TMEM131: variants seen among roughly 807,000 people sequenced by gnomAD.
The protein encoded by TMEM131 is 2610524E03Rik.
In TMEM131, 66 loss-of-function variants were observed where a neutral mutation model predicts 211.6. The observed-to-expected ratio is 0.31, with a 90% CI of 0.26 to 0.38. The LOEUF (loss-of-function observed/expected upper bound fraction) is 0.38. Among genes scored for constraint, TMEM131 ranks in the 10% least tolerant of loss-of-function variants. The probability of loss-of-function intolerance (pLI) is 1.00; values close to 1 mark genes in which losing one functional copy is unlikely to be tolerated. For synonymous variants in TMEM131, 844 were observed against 841.3 expected, an observed-to-expected ratio of 1.00 and a Z score of -0.06; for missense variants, 2,036 against 2,299.3, an observed-to-expected ratio of 0.89 and a Z score of 2.34.
intron 31 of TMEM131, among the ~76,000 whole-genome samples, chr2:97,782,507 AACAAT>A (rs1680059090): frequency 6.6e-6 from 1 of 152,138 alleles, no homozygotes; most frequent in Non-Finnish European, 1.5e-5. Context: ...ACACAAACAA[AACAAT>A]AAACAGATGC....
intron 1 of TMEM131, among the ~76,000 whole-genome samples, chr2:97,963,519 A>C (rs1678911329): frequency 1.3e-5 from 2 of 152,194 alleles, no homozygotes; most frequent in South Asian, 4.1e-4. Flanking sequence ...GTTTGTGACC[A>C]GCCTGGCCAA....
intron 7 of TMEM131, among the ~76,000 whole-genome samples, chr2:97,838,065 C>G (rs1488235144): frequency 2.0e-5 from 3 of 152,172 alleles, no homozygotes; most frequent in African/African-American, 7.2e-5. Context: ...TAGTTCACTT[C>G]TATTTGATGA....
At chr2:97,835,140 C>T (rs112592829) in intron 8 of TMEM131, among the ~76,000 whole-genome samples, 36 of 152,136 alleles carry the variant, frequency 2.4e-4, no homozygotes, top group African/African-American at 8.7e-4. Flanking sequence ...TGATGAAATA[C>T]GATATGTAAG....
rs1224345958 is a variant in TMEM131, at chr2:97,796,331, A to G, written c.3087T>C (p.Ile1029=). 6.4e-7 allele frequency: 1 copy of G among 1,555,476 alleles called. No homozygotes were observed. Among genetic ancestry groups the G allele is most frequent in the Non-Finnish European group, 8.7e-7 (1 of 1,151,074 alleles). Residue 1029 remains isoleucine, a synonymous_variant, in exon 28 of 41, where the codon ATT becomes ATC. Coordinates refer to ENST00000186436, the MANE Select transcript of TMEM131 (RefSeq NM_015348.2). ...FKVENTGQLQ[I]HIETIEISGY... Reference sequence around the variant, plus strand: ...CACTGATTTCAATGGTTTCTATGTGAATTTGAAGTTGTCCTGTATTCTCTA... The same window carrying G: ...CACTGATTTCAATGGTTTCTATGTGGATTTGAAGTTGTCCTGTATTCTCTA...
intron 4 of TMEM131, among the ~76,000 whole-genome samples, chr2:97,883,611 A>C (rs1229310153): frequency 6.6e-6 from 1 of 152,202 alleles, no homozygotes; most frequent in African/African-American, 2.4e-5. Flanking sequence ...TATTCTGTAT[A>C]TCCTTCCATT....
At chr2:97,937,943 A>G (rs1463527046) in intron 1 of TMEM131, among the ~76,000 whole-genome samples, 3 of 152,192 alleles carry the variant, frequency 2.0e-5, no homozygotes, top group Admixed American at 6.5e-5. Flanking sequence ...CGTAAGTGAA[A>G]GAGAAATAAA....
rs1244911191 is a variant in TMEM131, at chr2:97,795,085, A to G, written c.3231T>C (p.Val1077=). 9.9e-6 allele frequency: 16 copies of G among 1,613,644 alleles called. No individual in the cohort carries two copies. In the African/African-American group the frequency reaches 1.7e-4, roughly 17 times the overall value. ...LFTPDFTASR[V]IRELKFITTS... ...TTGTTATAAACTTCAGTTCCCGAAT[A>G]ACTCTAGAAGCTGTAAAATCAGGAG... The change falls in exon 29 of 41, where the codon GTT becomes GTC. Residue 1077 remains valine, a synonymous_variant. Coordinates refer to ENST00000186436, the MANE Select transcript of TMEM131 (RefSeq NM_015348.2).
intron 10 of TMEM131, 55 bp downstream of exon 10, chr2:97,834,566 C>G: frequency 7.8e-7 from 1 of 1,290,162 alleles, no homozygotes; most frequent in Non-Finnish European, 1.0e-6. Flanking sequence ...GCACTGAATA[C>G]AGGGGTTAAA....
At chr2:97,798,039 A>T (rs566492415) in intron 25 of TMEM131, among the ~76,000 whole-genome samples, 2 of 152,372 alleles carry the variant, frequency 1.3e-5, no homozygotes, top group Admixed American at 1.3e-4. Flanking sequence ...AAGGGTCTTC[A>T]GGCTGCACCG....
At chr2:97,929,011 G>A (rs142469879) in intron 1 of TMEM131, among the ~76,000 whole-genome samples, 10 of 151,860 alleles carry the variant, frequency 6.6e-5, no homozygotes, top group Non-Finnish European at 1.5e-4. Context: ...CTAAAGCAAT[G>A]ACATGCCAAT....
At chr2:97,882,273 T>C (rs537218188) in intron 4 of TMEM131, among the ~76,000 whole-genome samples, 5 of 152,336 alleles carry the variant, frequency 3.3e-5, no homozygotes, top group African/African-American at 1.2e-4. Flanking sequence ...AAAAGTAATA[T>C]TATCTCCTTA....
intron 1 of TMEM131, among the ~76,000 whole-genome samples, chr2:97,969,111 T>C (rs1679185811): frequency 3.3e-5 from 5 of 151,292 alleles, no homozygotes; most frequent in Admixed American, 3.3e-4. Flanking sequence ...GAAAAGGATA[T>C]GACAACATTT....
At chr2:97,769,919 G>C (rs1679385952) in intron 33 of TMEM131, among the ~76,000 whole-genome samples, 1 of 152,220 alleles carries the variant, frequency 6.6e-6, no homozygotes, top group Admixed American at 6.5e-5. Flanking sequence ...TTCCTAGCAA[G>C]TGATTTTTTT....
chr2:97,908,012 A>G (rs1676143187), intron 3 of TMEM131, among the ~76,000 whole-genome samples: 1 of 152,160 alleles, frequency 6.6e-6, no homozygotes, highest in Non-Finnish European at 1.5e-5. Flanking sequence ...ATCCAACTCA[A>G]AGAAAGCTCT....
At chr2:97,845,444 C>T (rs1414325870) in intron 5 of TMEM131, among the ~76,000 whole-genome samples, 2 of 152,058 alleles carry the variant, frequency 1.3e-5, no homozygotes, top group Non-Finnish European at 2.9e-5. Flanking sequence ...ACCCGGCAAA[C>T]CCTCAAAAAG....
intron 22 of TMEM131, among the ~76,000 whole-genome samples, chr2:97,803,379 A>C (rs1681128967): frequency 2.0e-5 from 3 of 152,222 alleles, no homozygotes; most frequent in Non-Finnish European, 2.9e-5. Flanking sequence ...AAAACCTACG[A>C]GGGTTTTGTG....
chr2:97,766,513 C>T lies in TMEM131; in HGVS notation c.4538G>A (p.Ser1513Asn), dbSNP rs369977116. 1.2e-6 allele frequency: 2 copies of T among 1,614,030 alleles called. No homozygotes were observed. Among genetic ancestry groups the T allele is most frequent in the Non-Finnish European group, 1.7e-6 (2 of 1,179,890 alleles). Residue 1513 changes from serine (S) to asparagine (N), a missense_variant, in exon 34 of 41, where the codon AGT becomes AAT. Ser to Asn is a conservative substitution (Grantham distance 46). Transcript: ENST00000186436. The stretch of plus-strand genomic sequence containing the variant: ...CTGGGCATTTCGTGATTTGGATCCA[C>T]TTGTCATTGCAGTTGGAAGAGGAAT... ...SKIPLPTAMT[S>N]GSKSRNAQKT...
Position 97,927,464 on chromosome 2 carries a change from T to C in TMEM131, c.211A>G (p.Ile71Val). ...CCATCATCAAAACGCAGTACTTCTA[T>C]TATGCTCTCTGACTGAACGAATGCT... ...KEAFVQSESIIEVLRFDDGGL... is the reference protein window; with the variant it reads ...KEAFVQSESIVEVLRFDDGGL... The change falls in exon 2 of 41, where the codon ATA becomes GTA. Residue 71 changes from isoleucine to valine, a missense_variant. Physicochemically the swap from Ile to Val is conservative, Grantham distance 29. This residue lies in a region of TMEM131 where 136 missense variants were observed against 115.4 expected (regional missense o/e 1.18). Coordinates refer to ENST00000186436, the MANE Select transcript of TMEM131 (RefSeq NM_015348.2). The C allele has an allele frequency of 5.0e-6, 8 of 1,590,722 alleles. No homozygotes were observed. The highest frequency in any genetic ancestry group is 6.8e-6 in the Non-Finnish European group (8 of 1,169,338).
chr2:97,898,800 T>C lies in TMEM131; in HGVS notation c.290+9858A>G, dbSNP rs1675726931. On this transcript the variant is annotated intron_variant, in intron 3 of 40. Transcript: ENST00000186436. ...CCCTTATGATTTCTTTCTTAACCCA[T>C]GAGTATTGAAAAGCTTCTGGTTTAA... Among the ~76,000 whole-genome samples the C allele has an allele frequency of 2.0e-5, 3 of 152,166 alleles. No individual in the cohort carries two copies. In the South Asian group the frequency reaches 6.2e-4, roughly 31 times the overall value.
Sources: allele counts gnomAD v4.1 joint callset (sites outside exome capture counted in the v4.1 genomes callset), GRCh38; gene constraint gnomAD v4.1.1; regional missense constraint gnomAD v4.1.1; transcripts MANE v1.5; gene names NCBI Gene and HGNC (gene_info 2026-07-23, HGNC 2026-07-21).